The following SH3PXD2A variants were observed in gnomAD, a reference collection of about 807,000 sequenced individuals.
SH3PXD2A encodes the protein SH3 and PX domain-containing protein 2A.
A neutral mutation model predicts 115.2 loss-of-function variants in SH3PXD2A; 32 were observed. The observed-to-expected ratio is 0.28, with a 90% CI of 0.21 to 0.37. The LOEUF (loss-of-function observed/expected upper bound fraction) is 0.37, where lower values mean the gene tolerates loss of function less well. Among genes scored for constraint, SH3PXD2A ranks in the 10% least tolerant of loss-of-function variants. SH3PXD2A has a pLI of 1.00. For missense variants in SH3PXD2A, 1,328 were observed against 1,498.7 expected (o/e 0.89, Z 1.88); for synonymous variants, 610 against 629.1 (o/e 0.97, Z 0.45).
intron 3 of SH3PXD2A, among the ~76,000 whole-genome samples, chr10:103,764,075 C>T (rs2038729354): frequency 6.6e-6 from 1 of 152,234 alleles, no homozygotes; most frequent in Non-Finnish European, 1.5e-5. Context: ...TGACCTAAGA[C>T]AGGCAATGTT....
intron 1 of SH3PXD2A, among the ~76,000 whole-genome samples, chr10:103,842,251 G>GTTATT (rs10526735): frequency 0.87 from 132,184 of 151,682 alleles, 58,719 homozygotes; most frequent in East Asian, 0.99. Flanking sequence ...GACCTATTTT[G>GTTATT]TTATTGTATT....
intron 7 of SH3PXD2A, among the ~76,000 whole-genome samples, chr10:103,662,351 G>GGT (rs1164212409): frequency 1.2e-4 from 4 of 32,180 alleles, no homozygotes; most frequent in Non-Finnish European, 2.4e-4. Context: ...CGGGGGGGGG[G>GGT]GCGGGGGGGG....
intron 5 of SH3PXD2A, among the ~76,000 whole-genome samples, chr10:103,710,120 C>G (rs898161275): frequency 1.8e-4 from 23 of 130,304 alleles, no homozygotes; most frequent in African/African-American, 6.5e-4. Context: ...CCTCTGGGCA[C>G]AGTAGCTCAC....
intron 2 of SH3PXD2A, among the ~76,000 whole-genome samples, chr10:103,788,153 A>G (rs1333656833): frequency 6.6e-6 from 1 of 152,072 alleles, no homozygotes; most frequent in Non-Finnish European, 1.5e-5. Flanking sequence ...CATAATAATA[A>G]TGCTTCACCG....
At chr10:103,712,392 C>T (rs2038057229) in intron 5 of SH3PXD2A, among the ~76,000 whole-genome samples, 1 of 152,172 alleles carries the variant, frequency 6.6e-6, no homozygotes, top group Admixed American at 6.5e-5. Context: ...GCCAAGGGCT[C>T]AGTCTGTGGT....
At chr10:103,763,611 G>A (rs1300577005) in intron 3 of SH3PXD2A, among the ~76,000 whole-genome samples, 4 of 152,226 alleles carry the variant, frequency 2.6e-5, no homozygotes, top group Non-Finnish European at 5.9e-5. Context: ...GGAAGCAGAA[G>A]CAGAGCCTTG....
Position 103,602,765 on chromosome 10 carries a change from C to G in SH3PXD2A, c.2453G>C (p.Ser818Thr), listed in dbSNP as rs1357216583. 4 of 1,614,036 alleles carry G rather than the reference C, an allele frequency of 2.5e-6. No individual in the cohort carries two copies. The South Asian group carries it at 4.4e-5, about 18-fold the overall frequency. Reference sequence around the variant, plus strand: ...TGGGAGGGTGATGAGGTCGGATGAGCTTCTCCTAGACCCCTCACTGGGAGC... The same window carrying G: ...TGGGAGGGTGATGAGGTCGGATGAGGTTCTCCTAGACCCCTCACTGGGAGC... ...SEAPSEGSRR[S>T]SSDLITLPAT... The change falls in exon 15 of 15, where the codon AGC becomes ACC. Residue 818 changes from serine (S) to threonine (T), a missense_variant. Around this residue, in one of 5 missense-constraint regions of SH3PXD2A, gnomAD observed 574 missense variants for 565.7 expected, o/e 1.01. Coordinates refer to ENST00000369774, the MANE Select transcript of SH3PXD2A (RefSeq NM_001394015.1).
Position 103,661,095 on chromosome 10 carries a change from C to A in SH3PXD2A, c.492G>T (p.Glu164Asp). Residue 164 changes from glutamate (E) to aspartate (D), a missense_variant, in exon 8 of 15, where the codon GAG (glutamate) becomes GAT (aspartate). Around this residue, in one of 5 missense-constraint regions of SH3PXD2A, gnomAD observed 90 missense variants for 71.1 expected, o/e 1.27. Coordinates refer to ENST00000369774, the MANE Select transcript of SH3PXD2A (RefSeq NM_001394015.1). ...KDVTGADATAEPMILEQYVVV... is the reference protein window; with the variant it reads ...KDVTGADATADPMILEQYVVV... ...CCACGTACTGTTCCAGGATCATGGGCTCGGCGGTGGCGTCGGCACCTGGCG... is the reference window on the plus strand; with the variant it reads ...CCACGTACTGTTCCAGGATCATGGGATCGGCGGTGGCGTCGGCACCTGGCG... The A allele has an allele frequency of 1.2e-6, 2 of 1,613,596 alleles. No homozygotes were observed. The highest frequency in any genetic ancestry group is 1.7e-6 in the Non-Finnish European group (2 of 1,179,736).
chr10:103,728,889 G>GTTTTTTTTT (rs199842369), intron 4 of SH3PXD2A, among the ~76,000 whole-genome samples: 25 of 142,882 alleles, frequency 1.7e-4, no homozygotes, highest in African/African-American at 6.4e-4. Context: ...TTTTTTGTTT[G>GTTTTTTTTT]TTTGTTTGTT....
intron 8 of SH3PXD2A, among the ~76,000 whole-genome samples, chr10:103,644,533 C>A (rs2037006711): frequency 6.7e-6 from 1 of 150,118 alleles, no homozygotes; most frequent in South Asian, 2.1e-4. Flanking sequence ...CTGCAATGAG[C>A]CGTGATCATG....
intron 6 of SH3PXD2A, among the ~76,000 whole-genome samples, chr10:103,689,943 T>A (rs1329357567): frequency 6.6e-6 from 1 of 152,134 alleles, no homozygotes; most frequent in Non-Finnish European, 1.5e-5. Context: ...AGATTTACAG[T>A]GAACCCCAGA....
chr10:103,788,547 T>C (rs748522138), intron 2 of SH3PXD2A, among the ~76,000 whole-genome samples: 1 of 152,160 alleles, frequency 6.6e-6, no homozygotes, highest in Non-Finnish European at 1.5e-5. Context: ...ATATCCCAAC[T>C]ACTCCCACAG....
intron 3 of SH3PXD2A, among the ~76,000 whole-genome samples, chr10:103,747,982 T>C (rs1397820299): frequency 1.3e-5 from 2 of 152,054 alleles, no homozygotes; most frequent in African/African-American, 4.8e-5. Flanking sequence ...TTGGTTCTGT[T>C]GGCAAAACTG....
intron 3 of SH3PXD2A, among the ~76,000 whole-genome samples, chr10:103,766,679 G>A (rs1353948996): frequency 6.6e-6 from 1 of 152,158 alleles, no homozygotes; most frequent in African/African-American, 2.4e-5. Flanking sequence ...TCCATATAAG[G>A]TGACGTGAGG....
At chr10:103,742,827 G>C (rs1205343666) in intron 3 of SH3PXD2A, among the ~76,000 whole-genome samples, 3 of 151,958 alleles carry the variant, frequency 2.0e-5, no homozygotes, top group Non-Finnish European at 2.9e-5. Context: ...CCGAGAGAAT[G>C]GGGGGGCGGG....
chr10:103,811,216 A>G (rs1041582288), intron 1 of SH3PXD2A, among the ~76,000 whole-genome samples: 3 of 152,226 alleles, frequency 2.0e-5, no homozygotes, highest in African/African-American at 7.2e-5. Flanking sequence ...ACAATCCTAC[A>G]TGGACCTTTC....
At chr10:103,693,606 G>C (rs2037788491) in intron 5 of SH3PXD2A, 1 of 152,424 alleles carries the variant, frequency 6.6e-6, no homozygotes, top group South Asian at 2.1e-4. Flanking sequence ...CCACCCGCCA[G>C]GTAATCACAG....
At chr10:103,761,255 A>C (rs1456334511) in intron 3 of SH3PXD2A, among the ~76,000 whole-genome samples, 1 of 152,166 alleles carries the variant, frequency 6.6e-6, no homozygotes, top group Non-Finnish European at 1.5e-5. Context: ...ATTGGGGGGA[A>C]GTGATGTGAT....
At chr10:103,638,554 G>A (rs986204020) in intron 8 of SH3PXD2A, among the ~76,000 whole-genome samples, 1 of 152,278 alleles carries the variant, frequency 6.6e-6, no homozygotes, top group Non-Finnish European at 1.5e-5. Context: ...CAGCGAGGGC[G>A]CCAGAGCCAG....
Sources: gnomAD v4.1 joint callset for allele counts (sites outside exome capture counted in the v4.1 genomes callset) on GRCh38, gnomAD v4.1.1 for gene constraint, gnomAD v4.1.1 regional missense constraint, MANE v1.5 for transcripts, NCBI Gene and HGNC (gene_info 2026-07-23, HGNC 2026-07-21) for gene names.